SHOC2: variants seen among roughly 807,000 people sequenced by gnomAD.
The protein encoded by SHOC2 is leucine-rich repeat protein SHOC-2.
A neutral mutation model predicts 50.2 loss-of-function variants in SHOC2; 4 were observed. That is an observed-to-expected ratio of 0.08 (90% CI 0.04 to 0.18). SHOC2 has a LOEUF of 0.18. Ranked by LOEUF, SHOC2 falls within the 10% of genes least tolerant of loss-of-function variation. The pLI is 1.00. For missense variants in SHOC2, 388 were observed against 669.6 expected (o/e 0.58, Z 4.64); for synonymous variants, 218 against 244.5 (o/e 0.89, Z 1.01).
chr10:111,011,860 C>T lies in SHOC2; in HGVS notation c.*42C>T. ...CCACACACTGTTCAAAAATAGACTG[C>T]CATTAATGTTTCTTATCTATATCTG... On this transcript the variant is annotated 3_prime_UTR_variant, in exon 9 of 9. Transcript: ENST00000369452. 1 of 1,440,820 alleles carries T rather than the reference C, an allele frequency of 6.9e-7. No individual in the cohort carries two copies. 89.3% of individuals were successfully genotyped at this position (1,440,820 alleles called of 1,614,324 possible).
At chr10:110,936,292 C>T (rs1345099345) in intron 1 of SHOC2, among the ~76,000 whole-genome samples, 2 of 151,118 alleles carry the variant, frequency 1.3e-5, no homozygotes, top group African/African-American at 4.9e-5. Flanking sequence ...TTAGTTGAGA[C>T]GGGGTTTCAC....
chr10:110,986,490 T>C (rs1300189592), intron 3 of SHOC2, among the ~76,000 whole-genome samples: 1 of 152,196 alleles, frequency 6.6e-6, no homozygotes, highest in Non-Finnish European at 1.5e-5. Flanking sequence ...TTTATTTTTT[T>C]TGAGACAGAG....
chr10:110,976,674 TC>T (rs1020973322), intron 2 of SHOC2, among the ~76,000 whole-genome samples: 1 of 152,166 alleles, frequency 6.6e-6, no homozygotes, highest in Admixed American at 6.5e-5. Flanking sequence ...TTTCCTTTTT[TC>T]CCCCCTCAGT....
chr10:110,936,750 C>T, intron 1 of SHOC2: 2 of 969,018 alleles, frequency 2.1e-6, no homozygotes, highest in Non-Finnish European at 3.2e-6. Context: ...TTGGCTTTCT[C>T]TTTCCTCTTC....
intron 3 of SHOC2, among the ~76,000 whole-genome samples, chr10:110,994,716 A>C (rs1433350202): frequency 6.6e-6 from 1 of 152,186 alleles, no homozygotes; most frequent in Admixed American, 6.5e-5. Context: ...ACATATAAAT[A>C]AGTGTTTAGA....
At chr10:110,949,395 A>G (rs1159691298) in intron 1 of SHOC2, among the ~76,000 whole-genome samples, 1 of 152,158 alleles carries the variant, frequency 6.6e-6, no homozygotes, top group Non-Finnish European at 1.5e-5. Flanking sequence ...ATGAAGAAAG[A>G]GAAAATCCAA....
intron 4 of SHOC2, among the ~76,000 whole-genome samples, chr10:111,003,214 A>G (rs775213264): frequency 2.0e-5 from 3 of 152,212 alleles, no homozygotes; most frequent in Non-Finnish European, 4.4e-5. Flanking sequence ...TGTCACCTCA[A>G]GTACTAAGTT....
At chr10:110,939,299 G>C (rs1430504814) in intron 1 of SHOC2, among the ~76,000 whole-genome samples, 1 of 151,952 alleles carries the variant, frequency 6.6e-6, no homozygotes, top group Non-Finnish European at 1.5e-5. Context: ...GCTCACTGTA[G>C]CTCCTATCTC....
intron 5 of SHOC2, among the ~76,000 whole-genome samples, chr10:111,006,475 A>G (rs1257713187): frequency 1.3e-5 from 2 of 151,688 alleles, no homozygotes; most frequent in Non-Finnish European, 3.0e-5. Context: ...GGTTCACGCC[A>G]TTCTCCTGCC....
intron 1 of SHOC2, among the ~76,000 whole-genome samples, chr10:110,956,656 T>C (rs1648176182): frequency 6.6e-6 from 1 of 152,216 alleles, no homozygotes; most frequent in African/African-American, 2.4e-5. Context: ...TGTTAAAAAA[T>C]GATAGTCTTG....
At chr10:110,988,596 T>G (rs1848124882) in intron 3 of SHOC2, among the ~76,000 whole-genome samples, 1 of 152,182 alleles carries the variant, frequency 6.6e-6, no homozygotes, top group South Asian at 2.1e-4. Context: ...TCTTAATCAT[T>G]CTGGTTAGAA....
chr10:110,997,197 G>A (rs981051661), intron 3 of SHOC2, among the ~76,000 whole-genome samples: 28 of 152,106 alleles, frequency 1.8e-4, no homozygotes, highest in Admixed American at 5.9e-4. Context: ...AACATGTACA[G>A]GCATATAATG....
chr10:110,986,472 T>C (rs1564722741), intron 3 of SHOC2, among the ~76,000 whole-genome samples: 1 of 152,124 alleles, frequency 6.6e-6, no homozygotes, highest in African/African-American at 2.4e-5. Flanking sequence ...TATTTTAATT[T>C]TTTAATTTTT....
chr10:110,974,533 C>G (rs1194358226), intron 2 of SHOC2, among the ~76,000 whole-genome samples: 4 of 152,010 alleles, frequency 2.6e-5, no homozygotes, highest in Admixed American at 6.6e-5. Flanking sequence ...ATAGTTAGGT[C>G]TTGTGTTTCT....
In SHOC2 at chr10:110,965,146, T is replaced by C. The variant is rs141248342; in HGVS notation, c.703+85T>C. 97 of 1,188,838 alleles carry C rather than the reference T, an allele frequency of 8.2e-5. No individual in the cohort carries two copies. The Admixed American group carries it at 1.9e-3, about 23-fold the overall frequency. The allele number at this position is 1,188,838 out of a possible 1,614,324, so 73.6% of individuals were successfully genotyped here. ...CTTTCTCATATCAAAAAATGCCTGATACTTGCCTAAAAACAGCTTATTTCT... is the reference window on the plus strand; with the variant it reads ...CTTTCTCATATCAAAAAATGCCTGACACTTGCCTAAAAACAGCTTATTTCT... On this transcript the variant is annotated intron_variant, in intron 2 of 8. Transcript: ENST00000369452.
intron 1 of SHOC2, among the ~76,000 whole-genome samples, chr10:110,952,066 T>C (rs1007394911): frequency 3.3e-5 from 5 of 152,190 alleles, no homozygotes; most frequent in African/African-American, 1.2e-4. Flanking sequence ...ACAATGAAAC[T>C]ACTAGTTTCT....
chr10:110,936,329 C>T (rs934754876), intron 1 of SHOC2, among the ~76,000 whole-genome samples: 1 of 151,684 alleles, frequency 6.6e-6, no homozygotes, highest in Admixed American at 6.6e-5. Context: ...TCTCAAACTC[C>T]TGAACTCAGG....
At chr10:110,951,786 CT>C (rs1564709843) in intron 1 of SHOC2, 1 of 152,202 alleles carries the variant, frequency 6.6e-6, no homozygotes, top group Non-Finnish European at 1.5e-5. Flanking sequence ...CCACCTCAGC[CT>C]CCCAGGTAAC....
Position 110,933,433 on chromosome 10 carries a change from G to T in SHOC2, c.-235+13776G>T, listed in dbSNP as rs886724765. Among the ~76,000 whole-genome samples, 10 of 152,178 alleles carry T rather than the reference G, an allele frequency of 6.6e-5. No individual in the cohort carries two copies. In the South Asian group the frequency reaches 2.1e-3, roughly 32 times the overall value. The stretch of plus-strand genomic sequence containing the variant: ...AATACTTATGTTTGTACAAGATAAG[G>T]TATTAATATCATTTATAGTAAGAAT... On this transcript the variant is annotated intron_variant, in intron 1 of 8. Coordinates refer to ENST00000369452, the MANE Select transcript of SHOC2 (RefSeq NM_007373.4).
Sources: gnomAD v4.1 joint callset for allele counts (sites outside exome capture counted in the v4.1 genomes callset) on GRCh38, gnomAD v4.1.1 for gene constraint, MANE v1.5 for transcripts, NCBI Gene and HGNC (gene_info 2026-07-23, HGNC 2026-07-21) for gene names.